MLPH: variants seen among roughly 807,000 people sequenced by gnomAD.
MLPH encodes exophilin-3.
MLPH carries 51 observed loss-of-function variants against 72.1 expected under a neutral mutation model. That is an observed-to-expected ratio of 0.71 (90% CI 0.56 to 0.89). MLPH has a LOEUF of 0.89. Among genes scored for constraint, MLPH ranks in the 40% least tolerant of loss-of-function variants. The pLI is 0.00. For synonymous variants in MLPH, 301 were observed against 310.1 expected (o/e 0.97, Z 0.31); for missense variants, 743 against 759.9 (o/e 0.98, Z 0.26).
At chr2:237,488,707 A>G (rs537140159) in intron 1 of MLPH, among the ~76,000 whole-genome samples, 121 of 152,350 alleles carry the variant, frequency 7.9e-4, no homozygotes, top group African/African-American at 2.1e-3. Context: ...CTTACTGAGT[A>G]CGACATGAGT....
rs2079933086 is a variant in MLPH at position 237,512,769 on chromosome 2, ATC to A, written c.445+1671_445+1672del. Among the ~76,000 whole-genome samples, 1 of 152,054 alleles carries A rather than the reference ATC, an allele frequency of 6.6e-6. No homozygotes were observed. The highest frequency in any genetic ancestry group is 2.4e-5 in the African/African-American group (1 of 41,394). Reference sequence around the variant, plus strand: ...AAGCCATGCTGTCAAGCATCTCAGAATCTCAACCCCAGAGGCAGTCTTTAGGG... The same window carrying A: ...AAGCCATGCTGTCAAGCATCTCAGAATCAACCCCAGAGGCAGTCTTTAGGG... On this transcript the variant is annotated intron_variant, in intron 4 of 15. Transcript: ENST00000264605. The surrounding 1 kb of genome is among the most constrained non-coding windows in gnomAD (Gnocchi z 5.5).
chr2:237,528,774 G>C (rs997243584), intron 8 of MLPH, among the ~76,000 whole-genome samples: 1 of 151,944 alleles, frequency 6.6e-6, no homozygotes, highest in African/African-American at 2.4e-5. Context: ...CCTTGTCCCC[G>C]GCCTCTGACA....
chr2:237,545,719 G>A, intron 12 of MLPH: 2 of 1,147,534 alleles, frequency 1.7e-6, no homozygotes, highest in East Asian at 5.9e-5. Flanking sequence ...AGGACATTTG[G>A]CAAAAGAATG....
At chr2:237,536,616 C>T (rs1484244442) in intron 9 of MLPH, among the ~76,000 whole-genome samples, 1 of 152,170 alleles carries the variant, frequency 6.6e-6, no homozygotes, top group Non-Finnish European at 1.5e-5. Context: ...CCCCATCGGA[C>T]CCCATGTCCC....
At chr2:237,518,362 G>A in intron 4 of MLPH, 177 bp from the exon 5 acceptor site, 1 of 695,844 alleles carries the variant, frequency 1.4e-6, no homozygotes. Context: ...TGGGTGGATT[G>A]GTAGATGGGT....
intron 5 of MLPH, among the ~76,000 whole-genome samples, 198 bp from the exon 6 acceptor site, chr2:237,519,712 G>A (rs1296313665): frequency 2.0e-5 from 3 of 152,204 alleles, no homozygotes; most frequent in Non-Finnish European, 4.4e-5. Context: ...GGCACCGTGA[G>A]CACCAACCAG....
intron 6 of MLPH, among the ~76,000 whole-genome samples, chr2:237,524,321 A>ATATATATATATATATATATATATATAT (rs1559357447): frequency 7.8e-4 from 114 of 146,106 alleles, no homozygotes; most frequent in African/African-American, 2.6e-3. Context: ...ATATATATAT[A>ATATATATATATATATATATATATATAT]AAGGGGAGTT....
intron 8 of MLPH, 132 bp from the exon 9 acceptor site, chr2:237,534,432 T>C (rs2080489024): frequency 2.5e-5 from 19 of 766,296 alleles, no homozygotes; most frequent in South Asian, 2.2e-4. Flanking sequence ...TCCCAGGCCA[T>C]GTCATGGGTG....
At chr2:237,504,340 C>G (rs1216511190) in intron 2 of MLPH, among the ~76,000 whole-genome samples, 1 of 152,172 alleles carries the variant, frequency 6.6e-6, no homozygotes, top group Non-Finnish European at 1.5e-5. Flanking sequence ...TCTCAGCCTC[C>G]CAAGTAGCTG....
At chr2:237,516,406 G>A (rs74963235) in intron 4 of MLPH, among the ~76,000 whole-genome samples, 4,365 of 152,254 alleles carry the variant, frequency 0.029, 100 homozygotes, top group South Asian at 0.077. Flanking sequence ...AGGAGAGGGG[G>A]CATGAGGGCT....
chr2:237,531,983 T>A (rs973207558), intron 8 of MLPH, among the ~76,000 whole-genome samples: 2 of 152,242 alleles, frequency 1.3e-5, no homozygotes, highest in Non-Finnish European at 2.9e-5. Flanking sequence ...AACAGCTTTG[T>A]TTGAATTATT....
intron 1 of MLPH, among the ~76,000 whole-genome samples, chr2:237,489,381 C>A (rs557568356): frequency 6.6e-6 from 1 of 152,344 alleles, no homozygotes; most frequent in South Asian, 2.1e-4. Flanking sequence ...CCATTCCAGA[C>A]CCTTGTGGCT....
chr2:237,511,210 G>A lies in MLPH; in HGVS notation c.445+109G>A, dbSNP rs1188332477. ...TGTGTGTACGTGTGTGTGTGCATGT[G>A]TGTGTGCACATGTGTGTGCATGCAC... On this transcript the variant is annotated intron_variant, in intron 4 of 15. Transcript: ENST00000264605. 8 of 836,872 alleles carry A rather than the reference G, an allele frequency of 9.6e-6. No homozygotes were observed. The African/African-American group carries it at 1.2e-4, about 12-fold the overall frequency. 51.8% of individuals were successfully genotyped at this position (836,872 alleles called of 1,614,324 possible).
chr2:237,548,684 C>T lies in MLPH; in HGVS notation c.1618-537C>T, dbSNP rs375650121. On this transcript the variant is annotated intron_variant, in intron 13 of 15. Transcript: ENST00000264605. ...GAGATCGAGACCATTCTGGCTAACA[C>T]GGTGAAACCCTGTCTCTACTAAAAA... Among the ~76,000 whole-genome samples, 96 of 152,266 alleles carry T rather than the reference C, an allele frequency of 6.3e-4. 1 individual carries two copies. The South Asian group carries it at 0.019, about 30-fold the overall frequency.
intron 2 of MLPH, among the ~76,000 whole-genome samples, chr2:237,498,163 C>T (rs1177052547): frequency 1.3e-5 from 2 of 152,184 alleles, no homozygotes; most frequent in Non-Finnish European, 2.9e-5. Flanking sequence ...AGCATGCAGA[C>T]TCAAGGCCAG....
At chr2:237,535,469 G>A (rs2080512021) in intron 9 of MLPH, among the ~76,000 whole-genome samples, 1 of 151,762 alleles carries the variant, frequency 6.6e-6, no homozygotes, top group Non-Finnish European at 1.5e-5. Context: ...ACAAACCATG[G>A]CCTGCTGCAG....
At chr2:237,529,205 G>A (rs2080369412) in intron 8 of MLPH, among the ~76,000 whole-genome samples, 1 of 152,016 alleles carries the variant, frequency 6.6e-6, no homozygotes, top group Admixed American at 6.6e-5. Flanking sequence ...ACCACGCCCG[G>A]CTAATTTTTG....
chr2:237,501,126 G>A (rs1350628288), intron 2 of MLPH, among the ~76,000 whole-genome samples: 1 of 152,100 alleles, frequency 6.6e-6, no homozygotes, highest in Non-Finnish European at 1.5e-5. Flanking sequence ...AATGCCCAGT[G>A]AGTCATTTCC....
In MLPH at chr2:237,541,315, G is replaced by A. The variant is rs567825661; in HGVS notation, c.1446+358G>A. Among the ~76,000 whole-genome samples, 46 of 152,332 alleles carry A rather than the reference G, an allele frequency of 3.0e-4. No individual in the cohort carries two copies. Among genetic ancestry groups the A allele is most frequent in the African/African-American group, 9.6e-4 (40 of 41,570 alleles). ...CAGACCTCAGCACTGGACTCTGTCC[G>A]GAGGGCCATCTGTGAGTCTGAGTTG... On this transcript the variant is annotated intron_variant, in intron 11 of 15. Coordinates refer to ENST00000264605, the MANE Select transcript of MLPH (RefSeq NM_024101.7). This position sits in a 1 kb window ranked among gnomAD's most constrained non-coding sequence, Gnocchi z 5.1.
Sources: gnomAD v4.1 joint callset for allele counts (sites outside exome capture counted in the v4.1 genomes callset) on GRCh38, gnomAD v4.1.1 for gene constraint, Gnocchi (gnomAD v3.1) non-coding constraint, MANE v1.5 for transcripts, NCBI Gene and HGNC (gene_info 2026-07-23, HGNC 2026-07-21) for gene names.